The following BTBD10 variants were observed in gnomAD, a reference collection of about 807,000 sequenced individuals.
The protein encoded by BTBD10 is BTB/POZ domain-containing protein 10.
Under a neutral mutation model 53.2 loss-of-function variants are expected in BTBD10, and 21 were observed. The ratio of observed to expected loss-of-function variants is 0.39; its 90% CI spans 0.28 to 0.57. The LOEUF is 0.57. BTBD10 is among the 20% of genes least tolerant of loss of function. The pLI is 0.53. For synonymous variants in BTBD10, 149 were observed against 192.7 expected (o/e 0.77, Z 1.88); for missense variants, 360 against 594.7 (o/e 0.61, Z 4.10).
At chr11:13,442,723 C>G (rs1321499746) in intron 2 of BTBD10, among the ~76,000 whole-genome samples, 3 of 152,188 alleles carry the variant, frequency 2.0e-5, no homozygotes, top group Non-Finnish European at 2.9e-5. Flanking sequence ...GGATACTAAA[C>G]TATTCCATAA....
chr11:13,389,154 A>T lies in BTBD10; in HGVS notation c.1118-13T>A, dbSNP rs758725248. 8.1e-6 allele frequency: 12 copies of T among 1,483,432 alleles called. No homozygotes were observed. Among genetic ancestry groups the T allele is most frequent in the South Asian group, 1.2e-5 (1 of 86,134 alleles). 91.9% of individuals were successfully genotyped at this position (1,483,432 alleles called of 1,614,324 possible). ...TAGGTAGGATAACCTGAAAGAAAGA[A>T]AGATTTTAAAAACTGAGGAGACACA... On this transcript the variant is annotated splice_polypyrimidine_tract_variant and intron_variant, in intron 8 of 8. Transcript: ENST00000278174.
intron 6 of BTBD10, among the ~76,000 whole-genome samples, chr11:13,411,145 A>G (rs997357133): frequency 6.6e-6 from 1 of 152,246 alleles, no homozygotes; most frequent in Non-Finnish European, 1.5e-5. Flanking sequence ...TTAGTTCAGC[A>G]AACATTTTGT....
chr11:13,451,849 A>C (rs1282048816), intron 1 of BTBD10, among the ~76,000 whole-genome samples: 1 of 152,198 alleles, frequency 6.6e-6, no homozygotes, highest in African/African-American at 2.4e-5. Flanking sequence ...AAGCCTATAC[A>C]AAGAACTAAA....
chr11:13,413,735 T>C, intron 5 of BTBD10, 85 bp from the exon 6 acceptor site: 2 of 1,333,054 alleles, frequency 1.5e-6, no homozygotes, highest in Admixed American at 2.4e-5. Flanking sequence ...CTGGTAACAT[T>C]TTCAGAAACA....
chr11:13,441,213 C>A (rs957069076), intron 2 of BTBD10, among the ~76,000 whole-genome samples: 7 of 152,092 alleles, frequency 4.6e-5, no homozygotes, highest in African/African-American at 1.4e-4. Context: ...CATGTTCAGA[C>A]TAGTTTCTTT....
chr11:13,459,662 T>C (rs1165368740), intron 1 of BTBD10: 2 of 152,194 alleles, frequency 1.3e-5, no homozygotes, highest in Non-Finnish European at 2.9e-5. Context: ...CAAATTAAAC[T>C]TACCCAGTTA....
chr11:13,403,903 C>G (rs1949762436), intron 7 of BTBD10, among the ~76,000 whole-genome samples: 1 of 152,152 alleles, frequency 6.6e-6, no homozygotes, highest in Non-Finnish European at 1.5e-5. Flanking sequence ...GACAGACATT[C>G]CACTGACAAC....
intron 6 of BTBD10, among the ~76,000 whole-genome samples, chr11:13,408,893 G>C (rs550459193): frequency 1.3e-5 from 2 of 152,200 alleles, no homozygotes; most frequent in African/African-American, 2.4e-5. Context: ...ACAGCCAAAA[G>C]TGATTCTTTT....
rs1949296022 is a variant in BTBD10 at position 13,388,124 on chromosome 11, A to G, written c.*707T>C. 1 of 152,636 alleles carries G rather than the reference A, an allele frequency of 6.6e-6. No individual in the cohort carries two copies. Among genetic ancestry groups the G allele is most frequent in the African/African-American group, 2.4e-5 (1 of 41,442 alleles). 9.5% of individuals were successfully genotyped at this position (152,636 alleles called of 1,614,324 possible). On this transcript the variant is annotated 3_prime_UTR_variant, in exon 9 of 9. Coordinates refer to ENST00000278174, the MANE Select transcript of BTBD10 (RefSeq NM_032320.7). Reference sequence around the variant, plus strand: ...TTCCTATCCCATAACTCTTAAGAAAAAAAAAGCATTAGTAAATAAATATCT... The same window carrying G: ...TTCCTATCCCATAACTCTTAAGAAAGAAAAAGCATTAGTAAATAAATATCT...
At chr11:13,436,384 A>G (rs192972092) in intron 2 of BTBD10, among the ~76,000 whole-genome samples, 1 of 152,168 alleles carries the variant, frequency 6.6e-6, no homozygotes, top group South Asian at 2.1e-4. Context: ...CAGCTCCCCA[A>G]CCAAAATGTC....
At chr11:13,435,061 T>G (rs1950522302) in intron 2 of BTBD10, among the ~76,000 whole-genome samples, 1 of 152,244 alleles carries the variant, frequency 6.6e-6, no homozygotes, top group South Asian at 2.1e-4. Context: ...TAAGTCTGTG[T>G]ATACTTATGG....
chr11:13,401,366 ACTATTTGAGAACCAC>A (rs1165210337), intron 8 of BTBD10, among the ~76,000 whole-genome samples: 1 of 152,098 alleles, frequency 6.6e-6, no homozygotes, highest in Non-Finnish European at 1.5e-5. Context: ...TCATTTATTT[ACTATTTGAGAACCAC>A]CTATACCTAG....
intron 1 of BTBD10, among the ~76,000 whole-genome samples, chr11:13,451,376 A>G (rs1418244589): frequency 6.6e-6 from 1 of 152,186 alleles, no homozygotes; most frequent in Non-Finnish European, 1.5e-5. Context: ...ACTAGCAGGT[A>G]AAGATTAAGA....
intron 2 of BTBD10, among the ~76,000 whole-genome samples, chr11:13,427,036 GC>G (rs1397729713): frequency 5.3e-5 from 8 of 152,092 alleles, no homozygotes; most frequent in African/African-American, 1.7e-4. Flanking sequence ...TGGCAACGTG[GC>G]AAAGCCTCAT....
At chr11:13,403,327 A>G (rs754718709) in intron 7 of BTBD10, 49 bp from the exon 8 acceptor site, 24 of 1,074,626 alleles carry the variant, frequency 2.2e-5, no homozygotes, top group Admixed American at 1.9e-4. Flanking sequence ...AAGGATTTAG[A>G]GATGAACTTA....
intron 8 of BTBD10, among the ~76,000 whole-genome samples, chr11:13,396,832 C>G (rs925661536): frequency 6.6e-6 from 1 of 152,088 alleles, no homozygotes; most frequent in Non-Finnish European, 1.5e-5. Flanking sequence ...TGTTTATATG[C>G]TGGATTACGT....
intron 8 of BTBD10, among the ~76,000 whole-genome samples, chr11:13,396,671 G>A (rs1156315813): frequency 1.3e-5 from 2 of 152,182 alleles, no homozygotes; most frequent in African/African-American, 2.4e-5. Flanking sequence ...GATACTGGCT[G>A]TGGGTTTGTC....
chr11:13,404,529 C>A, intron 7 of BTBD10: 1 of 841,520 alleles, frequency 1.2e-6, no homozygotes, highest in Non-Finnish European at 1.4e-6. Context: ...TTGTTCACTC[C>A]TTTTCCTTAA....
intron 1 of BTBD10, among the ~76,000 whole-genome samples, chr11:13,453,362 G>T (rs918952043): frequency 2.6e-5 from 4 of 152,064 alleles, no homozygotes; most frequent in African/African-American, 9.7e-5. Flanking sequence ...AAGATAAAAT[G>T]TCTAGAAATA....
Sources: gnomAD v4.1 joint callset for allele counts (sites outside exome capture counted in the v4.1 genomes callset) on GRCh38, gnomAD v4.1.1 for gene constraint, MANE v1.5 for transcripts, NCBI Gene and HGNC (gene_info 2026-07-23, HGNC 2026-07-21) for gene names.